The following CHD2 variants were observed in gnomAD, a reference collection of about 807,000 sequenced individuals.
CHD2 encodes chromodomain helicase DNA binding protein 2, also known as ATP-dependent chromatin remodeler CHD2.
A neutral mutation model predicts 243.9 loss-of-function variants in CHD2; 28 were observed. The observed-to-expected ratio is 0.11, with a 90% confidence interval of 0.09 to 0.16. The LOEUF is 0.16. Among genes scored for constraint, CHD2 ranks in the 10% least tolerant of loss-of-function variants. CHD2 has a pLI of 1.00. For synonymous variants in CHD2, 775 were observed against 779.0 expected (o/e 0.99, Z 0.09); for missense variants, 1,386 against 2,209.8 (o/e 0.63, Z 7.47).
intron 2 of CHD2, among the ~76,000 whole-genome samples, chr15:92,905,884 A>G (rs764487788): frequency 3.9e-5 from 6 of 152,204 alleles, no homozygotes; most frequent in African/African-American, 1.4e-4. Flanking sequence ...ACAAGAACGA[A>G]AGTAATAATC....
At chr15:92,975,592 A>G (rs1276959075) in intron 20 of CHD2, among the ~76,000 whole-genome samples, 5 of 150,502 alleles carry the variant, frequency 3.3e-5, no homozygotes, top group Non-Finnish European at 7.4e-5. Flanking sequence ...GTGTAGAGCT[A>G]AAGGAAGCAG....
intron 22 of CHD2, among the ~76,000 whole-genome samples, chr15:92,979,755 C>CCTATAAAGTTTAA (rs1190688571): frequency 1.3e-5 from 2 of 151,700 alleles, no homozygotes; most frequent in African/African-American, 4.8e-5. Flanking sequence ...AGCTACATCT[C>CCTATAAAGTTTAA]CTATAAAGTT....
At chr15:92,960,531 C>T (rs932002624) in intron 16 of CHD2, among the ~76,000 whole-genome samples, 1 of 151,882 alleles carries the variant, frequency 6.6e-6, no homozygotes, top group African/African-American at 2.4e-5. Context: ...TTGAGATGAC[C>T]ATGTGGTTTT....
At chr15:92,995,349 A>C (rs1435468379) in intron 28 of CHD2, among the ~76,000 whole-genome samples, 1 of 152,176 alleles carries the variant, frequency 6.6e-6, no homozygotes, top group Admixed American at 6.5e-5. Flanking sequence ...TCAAAGTCAC[A>C]ACTATAAAAC....
Position 92,943,033 on chromosome 15 carries a change from G to C in CHD2, c.1017G>C (p.Glu339Asp). The change falls in exon 9 of 39, where the codon GAG (glutamate) becomes GAC (aspartate). Residue 339 changes from glutamate to aspartate, a missense_variant. Around this residue, in one of 19 missense-constraint regions of CHD2, gnomAD observed 200 missense variants for 292.5 expected, o/e 0.68. Transcript: ENST00000394196. Reference protein sequence around the residue: ...QQKVKGLKKLENFKKKEDEIK... With the variant: ...QQKVKGLKKLDNFKKKEDEIK... ...AAGTGAAGGGCCTAAAAAAACTAGA[G>C]AACTTCAAGAAAAAAGAGGACGAAA... The C allele has an allele frequency of 6.2e-7, 1 of 1,613,798 alleles. No individual in the cohort carries two copies. The highest frequency in any genetic ancestry group is 1.7e-5 in the Admixed American group (1 of 59,998).
At chr15:92,930,701 G>T (rs2053151192) in intron 5 of CHD2, among the ~76,000 whole-genome samples, 1 of 152,130 alleles carries the variant, frequency 6.6e-6, no homozygotes, top group African/African-American at 2.4e-5. Flanking sequence ...TAGGATTACA[G>T]GTGTGAGCCA....
intron 27 of CHD2, among the ~76,000 whole-genome samples, chr15:92,992,504 G>A (rs141029556): frequency 2.5e-4 from 38 of 152,320 alleles, no homozygotes; most frequent in Admixed American, 2.2e-3. Flanking sequence ...AAAGGAAAGT[G>A]AACACAAAAG....
intron 26 of CHD2, among the ~76,000 whole-genome samples, chr15:92,988,684 C>G (rs1395016619): frequency 6.6e-6 from 1 of 152,064 alleles, no homozygotes; most frequent in African/African-American, 2.4e-5. Flanking sequence ...GGGATAATCT[C>G]AATTGGCCTA....
intron 21 of CHD2, 124 bp from the exon 22 acceptor site, chr15:92,979,011 G>A (rs1036403781): frequency 1.6e-6 from 2 of 1,266,352 alleles, no homozygotes; most frequent in Admixed American, 2.4e-5. Context: ...GTCTTCTATG[G>A]TTAGAGAATA....
intron 2 of CHD2, among the ~76,000 whole-genome samples, chr15:92,914,476 TTA>T (rs549842177): frequency 3.5e-4 from 54 of 152,330 alleles, no homozygotes; most frequent in African/African-American, 1.3e-3. Context: ...TGGAAACTAC[TTA>T]TATTTGGTTA....
chr15:93,000,380 CTT>C (rs879856704), intron 31 of CHD2, 130 bp from the exon 32 acceptor site: 7 of 967,676 alleles, frequency 7.2e-6, no homozygotes, highest in East Asian at 2.7e-5. Flanking sequence ...GAGTTGCACT[CTT>C]TTGATTTCTT....
intron 2 of CHD2, chr15:92,904,537 C>T (rs2052583585): frequency 4.0e-6 from 4 of 999,814 alleles, no homozygotes; most frequent in Admixed American, 6.0e-5. Flanking sequence ...TGGGCGGCTT[C>T]TTTCCTGGAC....
intron 2 of CHD2, chr15:92,901,767 T>A: frequency 3.8e-6 from 1 of 262,828 alleles, no homozygotes; most frequent in Non-Finnish European, 7.0e-6. Flanking sequence ...AATAGACATA[T>A]CAGAAAGTTA....
intron 9 of CHD2, chr15:92,943,711 G>T (rs751485183): frequency 6.5e-6 from 1 of 154,102 alleles, no homozygotes; most frequent in Non-Finnish European, 1.4e-5. Context: ...GGTAATAATG[G>T]TATCAAGCTC....
At chr15:92,965,992 T>G (rs1480478230) in intron 16 of CHD2, among the ~76,000 whole-genome samples, 1 of 152,116 alleles carries the variant, frequency 6.6e-6, no homozygotes, top group South Asian at 2.1e-4. Flanking sequence ...TTCCGGTCAC[T>G]TCACACATTT....
chr15:92,903,453 ATACCCTGT>A (rs1425949444), intron 2 of CHD2, among the ~76,000 whole-genome samples: 2 of 152,230 alleles, frequency 1.3e-5, no homozygotes, highest in Admixed American at 1.3e-4. Flanking sequence ...AAATCTGGTA[ATACCCTGT>A]TTTTGGAAAT....
At chr15:92,987,436 C>T (rs2054057682) in intron 26 of CHD2, among the ~76,000 whole-genome samples, 1 of 151,922 alleles carries the variant, frequency 6.6e-6, no homozygotes, top group Non-Finnish European at 1.5e-5. Flanking sequence ...CCTCTCTCTA[C>T]TAAAAATACA....
chr15:92,996,896 A>G (rs1054473014), intron 28 of CHD2, 61 bp from the exon 29 acceptor site: 32 of 1,538,116 alleles, frequency 2.1e-5, no homozygotes, highest in South Asian at 2.5e-5. Flanking sequence ...TCGTTGATAC[A>G]TGTTTTCTGT....
At chr15:93,011,166 A>G (rs2054389433) in intron 35 of CHD2, among the ~76,000 whole-genome samples, 1 of 152,036 alleles carries the variant, frequency 6.6e-6, no homozygotes, top group Non-Finnish European at 1.5e-5. Flanking sequence ...TGTGCCAGGC[A>G]CTGTGATCTT....
Sources: gnomAD v4.1 joint callset for allele counts (sites outside exome capture counted in the v4.1 genomes callset) on GRCh38, gnomAD v4.1.1 for gene constraint, gnomAD v4.1.1 regional missense constraint, MANE v1.5 for transcripts, NCBI Gene and HGNC (gene_info 2026-07-23, HGNC 2026-07-21) for gene names.